C1orf185: variants seen among roughly 807,000 people sequenced by gnomAD.
The protein encoded by C1orf185 is uncharacterized protein C1orf185.
Under a neutral mutation model 16.1 loss-of-function variants are expected in C1orf185, and 13 were observed. The ratio of observed to expected loss-of-function variants is 0.81; its 90% CI spans 0.53 to 1.28. The LOEUF (loss-of-function observed/expected upper bound fraction) is 1.28. Ranked by LOEUF, C1orf185 falls within the 50% of genes most tolerant of loss-of-function variation. The probability of loss-of-function intolerance (pLI) is 0.00; values close to 1 mark genes in which losing one functional copy is unlikely to be tolerated. For missense variants in C1orf185, 220 were observed against 225.2 expected, an observed-to-expected ratio of 0.98 and a Z score of 0.15; for synonymous variants, 80 against 76.9, an observed-to-expected ratio of 1.04 and a Z score of -0.21.
At chr1:51,131,258 C>T (rs562223554) in intron 3 of C1orf185, among the ~76,000 whole-genome samples, 5 of 152,294 alleles carry the variant, frequency 3.3e-5, no homozygotes, top group South Asian at 2.1e-4. Flanking sequence ...TGTGGCAGTA[C>T]GCATGTCTAA....
At chr1:51,102,310 T>C (rs1646037755) in intron 1 of C1orf185, 61 bp downstream of exon 1, 2 of 704,394 alleles carry the variant, frequency 2.8e-6, no homozygotes, top group Non-Finnish European at 5.3e-6. Flanking sequence ...AAAATATATT[T>C]AGACGAACAA....
intron 1 of C1orf185, among the ~76,000 whole-genome samples, chr1:51,105,126 T>TTTTTG (rs1390966770): frequency 2.0e-5 from 3 of 152,010 alleles, no homozygotes; most frequent in Admixed American, 1.3e-4. Flanking sequence ...TCTGGCTAGT[T>TTTTTG]TTTTGTTTTG....
chr1:51,120,228 G>A (rs145019325), intron 3 of C1orf185, among the ~76,000 whole-genome samples: 1,616 of 152,274 alleles, frequency 0.011, 113 homozygotes, highest in Admixed American at 0.099. Flanking sequence ...GCACCCTAAG[G>A]ATTTTGAAGT....
rs369268032 is a variant in C1orf185 at position 51,123,946 on chromosome 1, T to TAC, written c.258+5165_258+5166dup. 4.7e-3 allele frequency among the ~76,000 whole-genome samples: 704 copies of TAC among 149,264 alleles called. 1 individual carries two copies. The highest frequency in any genetic ancestry group is 0.011 in the East Asian group (58 of 5,126). On this transcript the variant is annotated intron_variant, in intron 3 of 4. Coordinates refer to ENST00000371759, the MANE Select transcript of C1orf185 (RefSeq NM_001136508.2). ...TATTTTATACACACATGTATATATA[T>TAC]ACACACACACACACACACACATTAT... is the stretch of plus-strand genomic sequence containing the variant.
At chr1:51,130,661 T>C (rs931659430) in intron 3 of C1orf185, among the ~76,000 whole-genome samples, 4 of 152,210 alleles carry the variant, frequency 2.6e-5, no homozygotes, top group African/African-American at 9.7e-5. Flanking sequence ...CATTCCATTG[T>C]CTCAGCACAC....
intron 3 of C1orf185, among the ~76,000 whole-genome samples, chr1:51,121,901 C>T (rs1189862738): frequency 6.6e-6 from 1 of 152,130 alleles, no homozygotes; most frequent in Non-Finnish European, 1.5e-5. Flanking sequence ...TGTCACACCT[C>T]CAACTCCCAC....
intron 1 of C1orf185, among the ~76,000 whole-genome samples, chr1:51,108,143 C>A (rs1646087523): frequency 6.6e-6 from 1 of 152,174 alleles, no homozygotes; most frequent in Non-Finnish European, 1.5e-5. Context: ...TGCCTCTTTG[C>A]CAGTACTTCA....
chr1:51,140,217 G>A (rs761322580), intron 3 of C1orf185, among the ~76,000 whole-genome samples: 2 of 152,116 alleles, frequency 1.3e-5, no homozygotes, highest in Admixed American at 6.5e-5. Flanking sequence ...ATTCTGGTAT[G>A]ACTTTTCTGT....
chr1:51,133,252 G>A (rs965497801), intron 3 of C1orf185, among the ~76,000 whole-genome samples: 1 of 152,040 alleles, frequency 6.6e-6, no homozygotes, highest in African/African-American at 2.4e-5. Context: ...TTAATTAGAA[G>A]ACACAGTAGC....
At chr1:51,106,959 G>A (rs1010508782) in intron 1 of C1orf185, among the ~76,000 whole-genome samples, 4 of 152,020 alleles carry the variant, frequency 2.6e-5, no homozygotes, top group Admixed American at 1.3e-4. Context: ...GGGTTTTACC[G>A]TGTTGGCCAG....
rs901196249 is a variant in C1orf185 at position 51,128,461 on chromosome 1, G to C, written c.258+9660G>C. On this transcript the variant is annotated intron_variant, in intron 3 of 4. Coordinates refer to ENST00000371759, the MANE Select transcript of C1orf185 (RefSeq NM_001136508.2). Reference sequence around the variant, plus strand: ...AATCCCCGCACTTTGGGAGGCCAAGGTGGGCAGATCACCTGAGATCAGGAA... The same window carrying C: ...AATCCCCGCACTTTGGGAGGCCAAGCTGGGCAGATCACCTGAGATCAGGAA... 2.0e-5 allele frequency among the ~76,000 whole-genome samples: 3 copies of C among 152,022 alleles called. No homozygotes were observed. In the South Asian group the frequency reaches 6.2e-4, roughly 32 times the overall value.
At chr1:51,103,743 C>T (rs568495229) in intron 1 of C1orf185, among the ~76,000 whole-genome samples, 1 of 152,218 alleles carries the variant, frequency 6.6e-6, no homozygotes, top group Admixed American at 6.5e-5. Flanking sequence ...ACATGTTGGC[C>T]ATGCTGGTCT....
chr1:51,106,657 A>C (rs1035567356), intron 1 of C1orf185, among the ~76,000 whole-genome samples: 9 of 152,056 alleles, frequency 5.9e-5, no homozygotes, highest in African/African-American at 2.2e-4. Context: ...TCCAATACAT[A>C]TTGGAGAAAA....
intron 3 of C1orf185, among the ~76,000 whole-genome samples, chr1:51,143,459 C>T (rs1243202213): frequency 3.9e-5 from 6 of 152,144 alleles, no homozygotes; most frequent in Non-Finnish European, 8.8e-5. Context: ...TTTAGATGCC[C>T]AAATTTTCCC....
In C1orf185 at chr1:51,110,186, G is replaced by T. The variant is rs567043314; in HGVS notation, c.17-2278G>T. Among the ~76,000 whole-genome samples, 4 of 152,208 alleles carry T rather than the reference G, an allele frequency of 2.6e-5. No individual in the cohort carries two copies. In the South Asian group the frequency reaches 8.3e-4, roughly 32 times the overall value. On this transcript the variant is annotated intron_variant, in intron 1 of 4. Transcript: ENST00000371759. Reference sequence around the variant, plus strand: ...TCATCTGTTTTCTCATATGTAAAGTGCAGAAATCATAGTATTTAACTTATA... The same window carrying T: ...TCATCTGTTTTCTCATATGTAAAGTTCAGAAATCATAGTATTTAACTTATA...
intron 1 of C1orf185, among the ~76,000 whole-genome samples, chr1:51,103,449 A>ACACACACAC (rs71063010): frequency 1.4e-5 from 2 of 141,408 alleles, no homozygotes; most frequent in South Asian, 2.1e-4. Flanking sequence ...ACACACACAC[A>ACACACACAC]AAAACCACGA....
chr1:51,115,735 T>A (rs958025766), intron 2 of C1orf185, among the ~76,000 whole-genome samples: 1 of 152,158 alleles, frequency 6.6e-6, no homozygotes, highest in East Asian at 1.9e-4. Flanking sequence ...TGAATTTTAA[T>A]GGAGCAAGAG....
At chr1:51,139,638 A>G (rs1050579439) in intron 3 of C1orf185, among the ~76,000 whole-genome samples, 3 of 152,190 alleles carry the variant, frequency 2.0e-5, no homozygotes, top group Admixed American at 1.3e-4. Context: ...TTGTGTGACA[A>G]GGATAATTAT....
intron 3 of C1orf185, among the ~76,000 whole-genome samples, chr1:51,142,924 T>C (rs1646374780): frequency 2.0e-5 from 3 of 151,990 alleles, no homozygotes; most frequent in Admixed American, 2.0e-4. Flanking sequence ...CCATCATGCC[T>C]GGCTAATTTT....
Sources: allele counts gnomAD v4.1 joint callset (sites outside exome capture counted in the v4.1 genomes callset), GRCh38; gene constraint gnomAD v4.1.1; transcripts MANE v1.5; gene names NCBI Gene and HGNC (gene_info 2026-07-23, HGNC 2026-07-21).